The following CSMD1 variants were observed in gnomAD, a reference collection of about 807,000 sequenced individuals.
CSMD1 encodes the protein CUB and sushi domain-containing protein 1.
A neutral mutation model predicts 417.5 loss-of-function variants in CSMD1; 213 were observed. The ratio of observed to expected loss-of-function variants is 0.51; its 90% confidence interval spans 0.46 to 0.57. The LOEUF (loss-of-function observed/expected upper bound fraction) is 0.57, where lower values mean the gene tolerates loss of function less well. Among genes scored for constraint, CSMD1 ranks in the 20% least tolerant of loss-of-function variants. The pLI is 0.00. For synonymous variants in CSMD1, 2,862 were observed against 1,736.8 expected, an observed-to-expected ratio of 1.65 and a Z score of -16.11; for missense variants, 6,923 against 4,529.7, an observed-to-expected ratio of 1.53 and a Z score of -15.17.
At chr8:4,776,670 T>G (rs1796868986) in intron 1 of CSMD1, among the ~76,000 whole-genome samples, 2 of 152,220 alleles carry the variant, frequency 1.3e-5, no homozygotes, top group South Asian at 4.1e-4. Flanking sequence ...AAGTCAGGAT[T>G]CTTTACCACA....
At chr8:4,610,854 C>G (rs1801131100) in intron 2 of CSMD1, among the ~76,000 whole-genome samples, 1 of 152,040 alleles carries the variant, frequency 6.6e-6, no homozygotes, top group Non-Finnish European at 1.5e-5. Flanking sequence ...GTGGCGAAAA[C>G]CTTATACGAT....
Position 3,561,511 on chromosome 8 carries a change from T to G in CSMD1, c.1344+13434A>C, listed in dbSNP as rs143135589. Among the ~76,000 whole-genome samples, 474 of 152,236 alleles carry G rather than the reference T, an allele frequency of 3.1e-3. 4 individuals carry two copies. Among genetic ancestry groups the G allele is most frequent in the African/African-American group, 0.011 (455 of 41,544 alleles). On this transcript the variant is annotated intron_variant, in intron 10 of 69. Transcript: ENST00000635120. ...CAGAATGTCATTATCCTAAGTAAAA[T>G]AATGCAGAAATGGAAAGTCAAATAC... is the stretch of plus-strand genomic sequence containing the variant.
intron 41 of CSMD1, among the ~76,000 whole-genome samples, chr8:3,141,149 A>G (rs890444153): frequency 9.9e-5 from 15 of 152,204 alleles, no homozygotes; most frequent in African/African-American, 3.4e-4. Context: ...AGTTGAGCAC[A>G]CAGTTGACTA....
intron 3 of CSMD1, among the ~76,000 whole-genome samples, chr8:4,410,077 G>C (rs1213708340): frequency 6.6e-6 from 1 of 152,140 alleles, no homozygotes; most frequent in African/African-American, 2.4e-5. Flanking sequence ...GCCTCCCAAA[G>C]TGCTGGGATT....
intron 40 of CSMD1, among the ~76,000 whole-genome samples, chr8:3,142,881 T>C (rs1000355450): frequency 2.0e-5 from 3 of 152,188 alleles, no homozygotes; most frequent in Admixed American, 1.3e-4. Context: ...ATGGTCTTTT[T>C]CCATGACACT....
chr8:3,667,396 T>C (rs983034547), intron 7 of CSMD1, among the ~76,000 whole-genome samples: 2 of 151,790 alleles, frequency 1.3e-5, no homozygotes, highest in Admixed American at 6.6e-5. Context: ...GGAGTGAAAA[T>C]TGAGGTGTGT....
intron 8 of CSMD1, among the ~76,000 whole-genome samples, chr8:3,601,855 A>T (rs1342379566): frequency 6.6e-6 from 1 of 152,148 alleles, no homozygotes; most frequent in African/African-American, 2.4e-5. Flanking sequence ...CTTCACCAGA[A>T]ATGTGTTGAA....
At chr8:3,871,971 G>A (rs570535193) in intron 5 of CSMD1, among the ~76,000 whole-genome samples, 1 of 152,262 alleles carries the variant, frequency 6.6e-6, no homozygotes, top group East Asian at 1.9e-4. Context: ...CTATTTGTGA[G>A]CTACAAACCT....
At chr8:3,731,154 C>T (rs536300414) in intron 6 of CSMD1, among the ~76,000 whole-genome samples, 80 of 152,288 alleles carry the variant, frequency 5.3e-4, no homozygotes, top group African/African-American at 1.9e-3. Flanking sequence ...TTCAGTATGT[C>T]TGTTAACACT....
At chr8:3,574,687 T>A (rs1343844488) in intron 10 of CSMD1, among the ~76,000 whole-genome samples, 1 of 152,222 alleles carries the variant, frequency 6.6e-6, no homozygotes. Context: ...GAGAAAGCAC[T>A]ATGATACATA....
intron 11 of CSMD1, among the ~76,000 whole-genome samples, chr8:3,475,966 C>G (rs1393162954): frequency 6.6e-6 from 1 of 152,150 alleles, no homozygotes; most frequent in Non-Finnish European, 1.5e-5. Flanking sequence ...ACTGTGTAGA[C>G]AAGAACAATT....
intron 3 of CSMD1, among the ~76,000 whole-genome samples, chr8:4,159,255 T>G (rs967065325): frequency 6.6e-6 from 1 of 152,198 alleles, no homozygotes; most frequent in African/African-American, 2.4e-5. Context: ...AATGTTTTAC[T>G]CATTGGGGTA....
chr8:4,412,231 CT>C (rs774355730), intron 3 of CSMD1, among the ~76,000 whole-genome samples: 8 of 152,086 alleles, frequency 5.3e-5, no homozygotes, highest in Non-Finnish European at 1.2e-4. Context: ...GAGGTAGGGC[CT>C]GGTAGGAGGT....
At chr8:3,361,181 C>T (rs1809139531) in intron 20 of CSMD1, among the ~76,000 whole-genome samples, 1 of 152,094 alleles carries the variant, frequency 6.6e-6, no homozygotes, top group Non-Finnish European at 1.5e-5. Context: ...TAATTGACAA[C>T]CTATCATACG....
chr8:3,355,911 G>A (rs946667908), intron 21 of CSMD1, among the ~76,000 whole-genome samples: 1 of 152,124 alleles, frequency 6.6e-6, no homozygotes, highest in African/African-American at 2.4e-5. Context: ...TGAGCATTGA[G>A]GTTGAATACC....
intron 55 of CSMD1, among the ~76,000 whole-genome samples, chr8:2,974,886 G>A (rs1452326823): frequency 6.6e-6 from 1 of 152,090 alleles, no homozygotes; most frequent in African/African-American, 2.4e-5. Flanking sequence ...ATTTACATGT[G>A]GATTTTCAAG....
chr8:3,863,875 A>G (rs979616382), intron 5 of CSMD1, among the ~76,000 whole-genome samples: 1 of 152,180 alleles, frequency 6.6e-6, no homozygotes, highest in African/African-American at 2.4e-5. Context: ...TTCAGTTTCA[A>G]AGATTCGTAT....
At chr8:3,182,416 T>C (rs946501566) in intron 36 of CSMD1, among the ~76,000 whole-genome samples, 18 of 152,130 alleles carry the variant, frequency 1.2e-4, no homozygotes, top group Non-Finnish European at 2.1e-4. Flanking sequence ...GATTTCACCA[T>C]GTTGGCCAGG....
intron 7 of CSMD1, among the ~76,000 whole-genome samples, chr8:3,671,243 GTGGGATATATATATGTATATATATA>G (rs947837429): frequency 2.8e-5 from 4 of 140,464 alleles, no homozygotes; most frequent in Admixed American, 7.4e-5. Flanking sequence ...ATATATATGT[GTGGGATATATATATGTATATATATA>G]TATATGATGT....
Sources: allele counts gnomAD v4.1 joint callset (sites outside exome capture counted in the v4.1 genomes callset), GRCh38; gene constraint gnomAD v4.1.1; transcripts MANE v1.5; gene names NCBI Gene and HGNC (gene_info 2026-07-23, HGNC 2026-07-21).